Variants in PEX5L observed in about 807,000 individuals in gnomAD.
The protein encoded by PEX5L is peroxisomal biogenesis factor 5 like, also known as PEX5-related protein.
A neutral mutation model predicts 84.0 loss-of-function variants in PEX5L; 30 were observed. The ratio of observed to expected loss-of-function variants is 0.36; its 90% CI spans 0.27 to 0.48. The LOEUF is 0.48. PEX5L is among the 20% of genes least tolerant of loss of function. The probability of loss-of-function intolerance (pLI) is 0.99; values close to 1 mark genes in which losing one functional copy is unlikely to be tolerated. For missense variants in PEX5L, 533 were observed against 754.6 expected, an observed-to-expected ratio of 0.71 and a Z score of 3.44; for synonymous variants, 270 against 283.1, an observed-to-expected ratio of 0.95 and a Z score of 0.46.
chr3:179,813,801 C>G (rs553031863), intron 10 of PEX5L, among the ~76,000 whole-genome samples: 2 of 151,966 alleles, frequency 1.3e-5, no homozygotes, highest in South Asian at 4.1e-4. Context: ...CTCAGCCTCC[C>G]GAGTAGCTGG....
At chr3:179,816,235 C>A (rs1445676104) in intron 9 of PEX5L, among the ~76,000 whole-genome samples, 2 of 152,140 alleles carry the variant, frequency 1.3e-5, no homozygotes, top group Admixed American at 1.3e-4. Flanking sequence ...CCCAGCAATC[C>A]CATTACTGAG....
At chr3:179,933,265 A>G (rs1773621957) in intron 2 of PEX5L, among the ~76,000 whole-genome samples, 1 of 152,200 alleles carries the variant, frequency 6.6e-6, no homozygotes, top group Non-Finnish European at 1.5e-5. Context: ...GTTACCAGGA[A>G]ATCGACAGCC....
Position 179,809,530 on chromosome 3 carries a change from C to T in PEX5L, c.1293G>A (p.Val431=). Residue 431 remains valine (V), a synonymous_variant, in exon 12 of 15, where the codon GTG becomes GTA. Coordinates refer to ENST00000467460, the MANE Select transcript of PEX5L (RefSeq NM_016559.3). ...IKQNPKYKYL[V]KSKKGSPGLT... is the part of the protein sequence containing the mutation. ...GGCCTGGAGATCCCTTCTTGCTTTT[C>T]ACAAGGTATTTGTACTTTGGATTTT... 1 of 1,614,132 alleles carries T rather than the reference C, an allele frequency of 6.2e-7. No homozygotes were observed. Among genetic ancestry groups the T allele is most frequent in the Non-Finnish European group, 8.5e-7 (1 of 1,180,022 alleles).
Position 179,879,952 on chromosome 3 carries a change from G to C in PEX5L, c.482C>G (p.Pro161Arg). ...AEQRGQPLRV[P>R]ETSSLDLDIQ... ...ACCTAGATCTAAGGATGAAGTCTCC[G>C]GGACTCTGAGAGGCTGGCCTCTCTG... Residue 161 changes from proline to arginine, a missense_variant, in exon 5 of 15, where the codon CCG (proline) becomes CGG (arginine). Pro to Arg is a moderately radical substitution (Grantham distance 103, BLOSUM62 -2). Transcript: ENST00000467460. 6.2e-7 allele frequency: 1 copy of C among 1,602,400 alleles called. No homozygotes were observed. Among genetic ancestry groups the C allele is most frequent in the Non-Finnish European group, 8.5e-7 (1 of 1,175,794 alleles).
rs144670742 is a variant in PEX5L at position 179,946,944 on chromosome 3, T to C, written c.93+24650A>G. ...AGAAGAATCAATGAGCAATATTTGATGTATATTATTAACTCTGTCAGTAGC... is the reference window on the plus strand; with the variant it reads ...AGAAGAATCAATGAGCAATATTTGACGTATATTATTAACTCTGTCAGTAGC... On this transcript the variant is annotated intron_variant, in intron 2 of 14. Transcript: ENST00000467460. 3.7e-3 allele frequency among the ~76,000 whole-genome samples: 563 copies of C among 152,358 alleles called. 5 individuals are homozygous for C. The highest frequency in any genetic ancestry group is 6.2e-3 in the Non-Finnish European group (425 of 68,034).
At chr3:179,854,495 GAC>G (rs1393944745) in intron 8 of PEX5L, among the ~76,000 whole-genome samples, 1 of 152,094 alleles carries the variant, frequency 6.6e-6, no homozygotes, top group African/African-American at 2.4e-5. Flanking sequence ...GTGTCTCTCT[GAC>G]TGACATCAAG....
intron 1 of PEX5L, among the ~76,000 whole-genome samples, chr3:180,002,143 C>T (rs931058061): frequency 5.9e-5 from 9 of 152,060 alleles, no homozygotes; most frequent in Non-Finnish European, 1.0e-4. Flanking sequence ...TTAAAAAATA[C>T]GAGCATTCCT....
At chr3:179,945,388 T>G (rs1281463391) in intron 2 of PEX5L, among the ~76,000 whole-genome samples, 1 of 152,218 alleles carries the variant, frequency 6.6e-6, no homozygotes, top group Non-Finnish European at 1.5e-5. Context: ...CTGGCTGAGA[T>G]CCTTTCCCTG....
At chr3:180,028,735 T>C (rs369111835) in intron 1 of PEX5L, among the ~76,000 whole-genome samples, 15 of 152,316 alleles carry the variant, frequency 9.8e-5, no homozygotes, top group Admixed American at 3.9e-4. Context: ...GAAGAAAACT[T>C]TTTCAAAGGT....
chr3:179,879,952 G>A lies in PEX5L; in HGVS notation c.482C>T (p.Pro161Leu), dbSNP rs745444119. ...ACCTAGATCTAAGGATGAAGTCTCC[G>A]GGACTCTGAGAGGCTGGCCTCTCTG... is the stretch of plus-strand genomic sequence containing the variant. ...AEQRGQPLRV[P>L]ETSSLDLDIQ... is the part of the protein sequence containing the mutation. The change falls in exon 5 of 15, where the codon CCG (proline) becomes CTG (leucine). Residue 161 changes from proline to leucine, a missense_variant. Around this residue, in one of 8 missense-constraint regions of PEX5L, gnomAD observed 259 missense variants for 301.7 expected, o/e 0.86. Transcript: ENST00000467460. 8.1e-6 allele frequency: 13 copies of A among 1,602,282 alleles called. No individual in the cohort carries two copies. Among genetic ancestry groups the A allele is most frequent in the East Asian group, 4.5e-5 (2 of 44,716 alleles).
intron 1 of PEX5L, among the ~76,000 whole-genome samples, chr3:179,980,893 G>A (rs527842664): frequency 1.3e-5 from 2 of 151,972 alleles, no homozygotes; most frequent in East Asian, 1.9e-4. Context: ...GTGTAGTGGC[G>A]AGCACCTGTA....
chr3:179,845,676 G>A (rs1739047382), intron 8 of PEX5L, among the ~76,000 whole-genome samples: 1 of 152,130 alleles, frequency 6.6e-6, no homozygotes, highest in African/African-American at 2.4e-5. Flanking sequence ...TGCAAATGTG[G>A]TTTCTAGTTC....
At position 179,801,753 on chromosome 3, in the gene PEX5L, CATA is replaced by C; in HGVS notation, c.*72_*74del. ...ATATTTGATTTATCCTTTTGAAATTCATAATAAAATAGTTTTTGATTTTTCAGT... is the reference window on the plus strand; with the variant it reads ...ATATTTGATTTATCCTTTTGAAATTCATAAAATAGTTTTTGATTTTTCAGT... On this transcript the variant is annotated 3_prime_UTR_variant, in exon 15 of 15. Coordinates refer to ENST00000467460, the MANE Select transcript of PEX5L (RefSeq NM_016559.3). 6.1e-6 allele frequency: 6 copies of C among 982,038 alleles called. No homozygotes were observed. Among genetic ancestry groups the C allele is most frequent in the Non-Finnish European group, 8.2e-6 (5 of 611,910 alleles). 60.8% of individuals were successfully genotyped at this position (982,038 alleles called of 1,614,324 possible).
intron 5 of PEX5L, among the ~76,000 whole-genome samples, chr3:179,878,540 A>G (rs1753191543): frequency 6.6e-6 from 1 of 152,220 alleles, no homozygotes; most frequent in Admixed American, 6.5e-5. Context: ...ATCCTTGAGT[A>G]CTACTGAAAT....
At chr3:179,886,761 T>C (rs1169323885) in intron 4 of PEX5L, among the ~76,000 whole-genome samples, 1 of 152,216 alleles carries the variant, frequency 6.6e-6, no homozygotes, top group African/African-American at 2.4e-5. Context: ...TTCCTTCTCC[T>C]GTGATTTTAT....
chr3:180,018,413 C>T (rs895053064), intron 1 of PEX5L, among the ~76,000 whole-genome samples: 3 of 152,204 alleles, frequency 2.0e-5, no homozygotes, highest in Non-Finnish European at 4.4e-5. Flanking sequence ...TTACCACTAA[C>T]CGGCTGATGA....
At chr3:179,959,082 C>A (rs539676979) in intron 2 of PEX5L, among the ~76,000 whole-genome samples, 251 of 151,742 alleles carry the variant, frequency 1.7e-3, no homozygotes, top group African/African-American at 4.9e-3. Flanking sequence ...ATAAAAAAAA[C>A]CAGATTCCTG....
At position 179,809,348 on chromosome 3, in the gene PEX5L, AC is replaced by A. The variant is rs1271569881; in HGVS notation, c.1352+122del. On this transcript the variant is annotated intron_variant, in intron 12 of 14. Transcript: ENST00000467460. Reference sequence around the variant, plus strand: ...ACGAGTGATGCTCCTCCAGCAGAATACTGTCCTGCAAACCATTCTGGAGTGG... The same window carrying A: ...ACGAGTGATGCTCCTCCAGCAGAATATGTCCTGCAAACCATTCTGGAGTGG... 1.1e-5 allele frequency: 8 copies of A among 714,092 alleles called. No individual in the cohort carries two copies. In the African/African-American group the frequency reaches 1.4e-4, roughly 13 times the overall value. The allele number at this position is 714,092 out of a possible 1,614,324, so 44.2% of individuals were successfully genotyped here. A position where few individuals can be genotyped will look rare whatever the true frequency, so the allele number is the denominator to read the frequency against.
At chr3:179,934,370 G>T (rs1773991441) in intron 2 of PEX5L, among the ~76,000 whole-genome samples, 2 of 152,216 alleles carry the variant, frequency 1.3e-5, no homozygotes, top group African/African-American at 4.8e-5. Flanking sequence ...TTAGGGAAAA[G>T]AAATGGTAGT....
Sources: gnomAD v4.1 joint callset for allele counts (sites outside exome capture counted in the v4.1 genomes callset) on GRCh38, gnomAD v4.1.1 for gene constraint, gnomAD v4.1.1 regional missense constraint, MANE v1.5 for transcripts, NCBI Gene and HGNC (gene_info 2026-07-23, HGNC 2026-07-21) for gene names.